CNTN1: variants seen among roughly 807,000 people sequenced by gnomAD.
The protein encoded by CNTN1 is contactin 1.
CNTN1 carries 38 observed loss-of-function variants against 126.4 expected under a neutral mutation model. That is an observed-to-expected ratio of 0.30 (90% CI 0.23 to 0.39). The LOEUF (loss-of-function observed/expected upper bound fraction) is 0.39. CNTN1 is among the 10% of genes least tolerant of loss of function. The pLI is 1.00. For synonymous variants in CNTN1, 413 were observed against 422.6 expected, an observed-to-expected ratio of 0.98 and a Z score of 0.28; for missense variants, 1,009 against 1,248.4, an observed-to-expected ratio of 0.81 and a Z score of 2.89.
At chr12:40,987,098 T>C (rs1238939591) in intron 16 of CNTN1, among the ~76,000 whole-genome samples, 1 of 152,144 alleles carries the variant, frequency 6.6e-6, no homozygotes, top group Non-Finnish European at 1.5e-5. Context: ...CTAGTGAAGT[T>C]CTCTTGTGAC....
intron 23 of CNTN1, among the ~76,000 whole-genome samples, chr12:41,066,963 C>T (rs1950059550): frequency 6.6e-6 from 1 of 152,076 alleles, no homozygotes; most frequent in South Asian, 2.1e-4. Context: ...CATTCATCAG[C>T]TATGTGAAAA....
chr12:41,054,497 A>G (rs1165923830), intron 23 of CNTN1, among the ~76,000 whole-genome samples: 1 of 152,010 alleles, frequency 6.6e-6, no homozygotes, highest in African/African-American at 2.4e-5. Flanking sequence ...AGAAATGGTA[A>G]TTCTCTCCTC....
chr12:40,780,280 G>T (rs1313738416), intron 1 of CNTN1, among the ~76,000 whole-genome samples: 1 of 151,932 alleles, frequency 6.6e-6, no homozygotes, highest in Non-Finnish European at 1.5e-5. Context: ...CTGGGAGGAT[G>T]ACAGGTGAAC....
At chr12:40,872,811 C>T (rs548436981) in intron 1 of CNTN1, among the ~76,000 whole-genome samples, 32 of 152,068 alleles carry the variant, frequency 2.1e-4, no homozygotes, top group African/African-American at 6.8e-4. Flanking sequence ...CCACCCACCT[C>T]GGCCTCCCAA....
intron 23 of CNTN1, among the ~76,000 whole-genome samples, chr12:41,060,766 G>A (rs1294994360): frequency 6.6e-6 from 1 of 152,090 alleles, no homozygotes; most frequent in African/African-American, 2.4e-5. Flanking sequence ...ACAAACCCAT[G>A]AAACCCATTA....
Position 41,013,401 on chromosome 12 carries a change from G to T in CNTN1, c.2114-827G>T, listed in dbSNP as rs553094535. On this transcript the variant is annotated intron_variant, in intron 17 of 23. Coordinates refer to ENST00000551295, the MANE Select transcript of CNTN1 (RefSeq NM_001843.4). ...CTGCTCTTTCTTAGAAAATGATTTGGGGCTGCTTTTCATTAAAAAGCAAAG... is the reference window on the plus strand; with the variant it reads ...CTGCTCTTTCTTAGAAAATGATTTGTGGCTGCTTTTCATTAAAAAGCAAAG... Among the ~76,000 whole-genome samples the T allele has an allele frequency of 6.8e-4, 104 of 152,080 alleles. No homozygotes were observed. The South Asian group carries it at 0.02, about 29-fold the overall frequency.
intron 1 of CNTN1, among the ~76,000 whole-genome samples, chr12:40,774,518 A>G (rs953430568): frequency 6.6e-6 from 1 of 151,712 alleles, no homozygotes; most frequent in Non-Finnish European, 1.5e-5. Context: ...ATCTGATGAG[A>G]GTCTCCTCCA....
intron 23 of CNTN1, among the ~76,000 whole-genome samples, chr12:41,034,410 A>G (rs913063270): frequency 6.6e-6 from 1 of 152,142 alleles, no homozygotes; most frequent in Non-Finnish European, 1.5e-5. Context: ...TTTTGGGTAG[A>G]ACTTTTATAT....
chr12:40,735,080 A>G (rs1289111917), intron 1 of CNTN1, among the ~76,000 whole-genome samples: 1 of 152,138 alleles, frequency 6.6e-6, no homozygotes, highest in East Asian at 1.9e-4. Flanking sequence ...TATTTAAATC[A>G]TCATTGTTGA....
At chr12:40,904,689 C>T (rs932127176) in intron 1 of CNTN1, among the ~76,000 whole-genome samples, 1 of 152,196 alleles carries the variant, frequency 6.6e-6, no homozygotes, top group Non-Finnish European at 1.5e-5. Context: ...CTCGGCCTCC[C>T]AAATTGCTGG....
chr12:40,911,392 T>G (rs1248717390), intron 3 of CNTN1, among the ~76,000 whole-genome samples: 2 of 152,160 alleles, frequency 1.3e-5, no homozygotes, highest in African/African-American at 4.8e-5. Context: ...AAAAGGCACT[T>G]CTTACATGGC....
At chr12:41,026,719 T>C (rs1949044755) in intron 21 of CNTN1, among the ~76,000 whole-genome samples, 1 of 152,182 alleles carries the variant, frequency 6.6e-6, no homozygotes, top group Non-Finnish European at 1.5e-5. Flanking sequence ...GAGTTCTTTC[T>C]AAACATGATA....
intron 1 of CNTN1, among the ~76,000 whole-genome samples, chr12:40,865,978 G>A (rs1004800572): frequency 1.3e-5 from 2 of 151,818 alleles, no homozygotes; most frequent in African/African-American, 4.8e-5. Flanking sequence ...ATTAATTTAG[G>A]CCTTTTGTTT....
intron 1 of CNTN1, among the ~76,000 whole-genome samples, chr12:40,868,975 A>T (rs1359607842): frequency 6.6e-6 from 1 of 151,952 alleles, no homozygotes; most frequent in Non-Finnish European, 1.5e-5. Context: ...AGAAATTTTG[A>T]TACTACACTG....
chr12:40,943,457 GTCA>G, intron 12 of CNTN1, 137 bp from the exon 13 acceptor site: 1 of 652,182 alleles, frequency 1.5e-6, no homozygotes. Context: ...GCTAGAATTT[GTCA>G]TCTTACAAAA....
chr12:40,927,833 T>A (rs1945746835), intron 6 of CNTN1, among the ~76,000 whole-genome samples: 1 of 152,098 alleles, frequency 6.6e-6, no homozygotes, highest in African/African-American at 2.4e-5. Flanking sequence ...TCATACAACA[T>A]CACGACAATA....
At chr12:41,003,584 T>C (rs986904347) in intron 17 of CNTN1, among the ~76,000 whole-genome samples, 9 of 151,996 alleles carry the variant, frequency 5.9e-5, no homozygotes, top group African/African-American at 2.2e-4. Flanking sequence ...CTGGGCTTTT[T>C]TTTTTTTGGT....
intron 1 of CNTN1, among the ~76,000 whole-genome samples, chr12:40,736,015 C>A (rs1225879503): frequency 2.6e-5 from 4 of 151,992 alleles, no homozygotes; most frequent in African/African-American, 9.7e-5. Context: ...ATTGTGATTA[C>A]CCTGCAGCTG....
intron 1 of CNTN1, among the ~76,000 whole-genome samples, chr12:40,698,847 T>C (rs1941521631): frequency 6.6e-6 from 1 of 152,180 alleles, no homozygotes. Flanking sequence ...TCAAATTTCT[T>C]CCATCTCCAA....
Sources: allele counts gnomAD v4.1 joint callset (sites outside exome capture counted in the v4.1 genomes callset), GRCh38; gene constraint gnomAD v4.1.1; transcripts MANE v1.5; gene names NCBI Gene and HGNC (gene_info 2026-07-23, HGNC 2026-07-21).